The following NECTIN4 variants were observed in gnomAD, a reference collection of about 807,000 sequenced individuals.
The protein encoded by NECTIN4 is nectin cell adhesion molecule 4, also known as nectin-4.
NECTIN4 carries 19 observed loss-of-function variants against 51.7 expected under a neutral mutation model. That is an observed-to-expected ratio of 0.37 (90% confidence interval 0.26 to 0.54). The LOEUF is 0.54. Ranked by LOEUF, NECTIN4 falls within the 20% of genes least tolerant of loss-of-function variation. The pLI is 0.86. For synonymous variants in NECTIN4, 283 were observed against 286.9 expected (o/e 0.99, Z 0.14); for missense variants, 619 against 662.4 (o/e 0.93, Z 0.72).
intron 1 of NECTIN4, among the ~76,000 whole-genome samples, chr1:161,080,912 A>G (rs1181415593): frequency 6.6e-6 from 1 of 152,172 alleles, no homozygotes; most frequent in East Asian, 1.9e-4. Flanking sequence ...ACATGTGATG[A>G]TGGTTTCTGA....
chr1:161,089,426 T>C lies in NECTIN4; in HGVS notation c.-130A>G. The C allele has an allele frequency of 1.2e-6, 1 of 827,820 alleles. No homozygotes were observed. Among genetic ancestry groups the C allele is most frequent in the Non-Finnish European group, 2.0e-6 (1 of 501,002 alleles). The allele number at this position is 827,820 out of a possible 1,614,324, so 51.3% of individuals were successfully genotyped here. A position where few individuals can be genotyped will look rare whatever the true frequency, so the allele number is the denominator to read the frequency against. ...AGAGTTCTTGCCTCTCGCACTTGGG[T>C]CTCCACTAGGGGACCCAGCCCCAGC... On this transcript the variant is annotated 5_prime_UTR_variant, in exon 1 of 9. Coordinates refer to ENST00000368012, the MANE Select transcript of NECTIN4 (RefSeq NM_030916.3). The surrounding 1 kb of genome is among the most constrained non-coding windows in gnomAD (Gnocchi z 4.1).
chr1:161,075,709 T>C (rs1235821251), intron 4 of NECTIN4, among the ~76,000 whole-genome samples: 1 of 151,732 alleles, frequency 6.6e-6, no homozygotes, highest in African/African-American at 2.4e-5. Context: ...CAGGCAGAGG[T>C]TGCAGTGAGC....
In NECTIN4 at chr1:161,073,700, C is replaced by T; in HGVS notation, c.1233+20G>A. The T allele has an allele frequency of 1.2e-6, 2 of 1,610,238 alleles. No homozygotes were observed. Among genetic ancestry groups the T allele is most frequent in the Non-Finnish European group, 1.7e-6 (2 of 1,176,410 alleles). On this transcript the variant is annotated intron_variant, in intron 7 of 8. Coordinates refer to ENST00000368012, the MANE Select transcript of NECTIN4 (RefSeq NM_030916.3). ...ATGCGACCACACCCCTGCATGCATA[C>T]ACCCAACCTTGGCACACACCTGGCT...
At chr1:161,084,862 G>A (rs1653860133) in intron 1 of NECTIN4, 1 of 151,946 alleles carries the variant, frequency 6.6e-6, no homozygotes, top group African/African-American at 2.4e-5. Context: ...ATCCTGCCTG[G>A]GGCTAGGGGG....
intron 1 of NECTIN4, 90 bp from the exon 2 acceptor site, chr1:161,080,039 C>T (rs1053503759): frequency 6.1e-6 from 9 of 1,466,846 alleles, no homozygotes; most frequent in Non-Finnish European, 8.2e-6. Context: ...CAAAGGTGAC[C>T]GGAACTCCTG....
rs759375848 is a variant in NECTIN4, at chr1:161,077,499, A to T, written c.684T>A (p.Pro228=). The change falls in exon 3 of 9, where the codon CCT becomes CCA. Residue 228 remains proline, a synonymous_variant. Coordinates refer to ENST00000368012, the MANE Select transcript of NECTIN4 (RefSeq NM_030916.3). ...GQPLTCVVSH[P]GLLQDQRITH... is the part of the protein sequence containing the mutation. ...TGATCCTTTGGTCCTGGAGCAGGCC[A>T]GGATGGGACACCACACAAGTCAGTG... The T allele has an allele frequency of 8.7e-6, 14 of 1,614,176 alleles. No homozygotes were observed. In the South Asian group the frequency reaches 1.5e-4, roughly 18 times the overall value.
At position 161,089,276 on chromosome 1, in the gene NECTIN4, G is replaced by C; in HGVS notation, c.21C>G (p.Ala7=). 4 of 1,610,634 alleles carry C rather than the reference G, an allele frequency of 2.5e-6. No individual in the cohort carries two copies. The highest frequency in any genetic ancestry group is 3.4e-6 in the Non-Finnish European group (4 of 1,179,954). The change falls in exon 1 of 9, where the codon GCC becomes GCG. Residue 7 remains alanine, a synonymous_variant. Transcript: ENST00000368012. The surrounding 1 kb of genome is among the most constrained non-coding windows in gnomAD (Gnocchi z 4.1). MPLSLG[A]EMWGPEAWLL... ...GCCAGGCCTCAGGCCCCCACATCTC[G>C]GCTCCCAGGGACAGGGGCATGGTTG... is the stretch of plus-strand genomic sequence containing the variant.
chr1:161,077,472 G>A lies in NECTIN4; in HGVS notation c.711C>T (p.Thr237=), dbSNP rs1478292605. The A allele has an allele frequency of 3.7e-6, 6 of 1,614,016 alleles. No homozygotes were observed. The East Asian group carries it at 8.9e-5, about 24-fold the overall frequency. ...HPGLLQDQRI[T]HILHVSFLAE... ...ACTTACAGGACACGTGGAGGATGTG[G>A]GTGATCCTTTGGTCCTGGAGCAGGC... is the stretch of plus-strand genomic sequence containing the variant. Residue 237 remains threonine, a synonymous_variant, in exon 3 of 9, where the codon ACC becomes ACT. Transcript: ENST00000368012.
In NECTIN4 at chr1:161,079,754, G is replaced by C; in HGVS notation, c.275C>G (p.Pro92Arg). ...CTGCTCCACGCGGCCCTCGTAAGCC[G>C]GGCTCACATGAAGCCCGTATTTGGA... ...LHSKYGLHVS[P>R]AYEGRVEQPP... The change falls in exon 2 of 9, where the codon CCG becomes CGG. Residue 92 changes from proline (P) to arginine (R), a missense_variant. Around this residue, in one of 3 missense-constraint regions of NECTIN4, gnomAD observed 218 missense variants for 186.3 expected, o/e 1.17. Transcript: ENST00000368012. The C allele has an allele frequency of 6.2e-7, 1 of 1,611,734 alleles. No homozygotes were observed.
chr1:161,073,369 T>G, intron 7 of NECTIN4, 70 bp from the exon 8 acceptor site: 2 of 1,323,774 alleles, frequency 1.5e-6, no homozygotes, highest in Non-Finnish European at 2.2e-6. Flanking sequence ...TCCCCTCTTG[T>G]CCTCCACCAG....
intron 1 of NECTIN4, among the ~76,000 whole-genome samples, chr1:161,085,557 G>A (rs1446879623): frequency 1.3e-5 from 2 of 152,090 alleles, no homozygotes; most frequent in African/African-American, 2.4e-5. Flanking sequence ...AAGGGGGTGG[G>A]GGTGGCCAGA....
chr1:161,089,337 G>A lies in NECTIN4; in HGVS notation c.-41C>T, dbSNP rs202063443. On this transcript the variant is annotated 5_prime_UTR_variant, in exon 1 of 9. Coordinates refer to ENST00000368012, the MANE Select transcript of NECTIN4 (RefSeq NM_030916.3). This position sits in a 1 kb window ranked among gnomAD's most constrained non-coding sequence, Gnocchi z 4.1. ...TGCCCAGCGTTTCTGAAGTTCCACC[G>A]AGATCTCCCTGGGAGCCGGCTGCAG... 5.7e-6 allele frequency: 9 copies of A among 1,569,934 alleles called. No individual in the cohort carries two copies. Among genetic ancestry groups the A allele is most frequent in the South Asian group, 4.4e-5 (4 of 90,336 alleles).
At position 161,077,709 on chromosome 1, in the gene NECTIN4, T is replaced by C; in HGVS notation, c.474A>G (p.Ala158=). The C allele has an allele frequency of 6.2e-7, 1 of 1,611,832 alleles. No homozygotes were observed. Among genetic ancestry groups the C allele is most frequent in the Non-Finnish European group, 8.5e-7 (1 of 1,179,852 alleles). ...PPLPSLNPGP[A]LEEGQGLTLA... The stretch of plus-strand genomic sequence containing the variant: ...GGGTCAGGCCCTGGCCCTCTTCTAG[T>C]GCTGGACCAGGATTCAGTGAGGGCA... The change falls in exon 3 of 9, where the codon GCA becomes GCG. Residue 158 remains alanine (A), a synonymous_variant. Transcript: ENST00000368012.
At chr1:161,074,851 C>T in intron 4 of NECTIN4, 92 bp from the exon 5 acceptor site, 1 of 1,386,782 alleles carries the variant, frequency 7.2e-7, no homozygotes, top group South Asian at 1.3e-5. Context: ...CCTCCACCCC[C>T]ATGACGTCAC....
chr1:161,089,293 G>T lies in NECTIN4; in HGVS notation c.4C>A (p.Pro2Thr). The T allele has an allele frequency of 1.9e-6, 3 of 1,609,340 alleles. No individual in the cohort carries two copies. The highest frequency in any genetic ancestry group is 1.7e-6 in the Non-Finnish European group (2 of 1,179,864). Residue 2 changes from proline to threonine, a missense_variant, in exon 1 of 9, where the codon CCC (proline) becomes ACC (threonine). Physicochemically the swap from Pro to Thr is conservative, Grantham distance 38. This residue lies in a region of NECTIN4 where 218 missense variants were observed against 186.3 expected (regional missense o/e 1.17). Coordinates refer to ENST00000368012, the MANE Select transcript of NECTIN4 (RefSeq NM_030916.3). This position sits in a 1 kb window ranked among gnomAD's most constrained non-coding sequence, Gnocchi z 4.1. M[P>T]LSLGAEMWGP... ...CACATCTCGGCTCCCAGGGACAGGG[G>T]CATGGTTGAAAGGCAGACTGCCCAG...
chr1:161,077,804 T>TC, intron 2 of NECTIN4, 61 bp from the exon 3 acceptor site: 1 of 1,470,322 alleles, frequency 6.8e-7, no homozygotes, highest in Non-Finnish European at 9.2e-7. Context: ...AGGCCCCCAC[T>TC]CATCGCATTT....
chr1:161,074,165 T>A lies in NECTIN4; in HGVS notation c.1157+52A>T, dbSNP rs1227335288. ...GGTCCTGGCCCACCTCCTGCTATCCTCTTCTTTGTTCTCAGCTTAGTTCTA... is the reference window on the plus strand; with the variant it reads ...GGTCCTGGCCCACCTCCTGCTATCCACTTCTTTGTTCTCAGCTTAGTTCTA... On this transcript the variant is annotated intron_variant, in intron 6 of 8. Transcript: ENST00000368012. The A allele has an allele frequency of 3.7e-6, 6 of 1,610,856 alleles. No homozygotes were observed. The African/African-American group carries it at 8.0e-5, about 22-fold the overall frequency.
At chr1:161,087,695 G>C (rs183023870) in intron 1 of NECTIN4, 6 of 152,148 alleles carry the variant, frequency 3.9e-5, no homozygotes, top group Non-Finnish European at 1.5e-5. Context: ...TCTTCTGGGG[G>C]TACTGCTGGA....
intron 4 of NECTIN4, among the ~76,000 whole-genome samples, chr1:161,075,884 T>C (rs1390262341): frequency 1.3e-5 from 2 of 152,158 alleles, no homozygotes; most frequent in Non-Finnish European, 2.9e-5. Context: ...GAGACCAGCC[T>C]GGCCAACATG....
Sources: allele counts gnomAD v4.1 joint callset (sites outside exome capture counted in the v4.1 genomes callset), GRCh38; gene constraint gnomAD v4.1.1; regional missense constraint gnomAD v4.1.1; non-coding constraint Gnocchi (gnomAD v3.1); transcripts MANE v1.5; gene names NCBI Gene and HGNC (gene_info 2026-07-23, HGNC 2026-07-21).